NINJ2: variants seen among roughly 807,000 people sequenced by gnomAD.
The protein encoded by NINJ2 is ninjurin-2.
NINJ2 carries 12 observed loss-of-function variants against 11.7 expected under a neutral mutation model. That is an observed-to-expected ratio of 1.02 (90% CI 0.66 to 1.66). NINJ2 has a LOEUF of 1.66. Ranked by LOEUF, NINJ2 falls within the 40% of genes most tolerant of loss-of-function variation. The pLI is 0.00. For synonymous variants in NINJ2, 93 were observed against 76.8 expected, an observed-to-expected ratio of 1.21 and a Z score of -1.10; for missense variants, 187 against 181.8, an observed-to-expected ratio of 1.03 and a Z score of -0.16.
chr12:567,319 G>A (rs540091607), intron 1 of NINJ2, among the ~76,000 whole-genome samples: 29 of 129,886 alleles, frequency 2.2e-4, no homozygotes, highest in Admixed American at 2.4e-4. Context: ...TACCTGCTGC[G>A]TGGGGACAGA....
At chr12:631,712 CCT>C (rs1555166281) in intron 1 of NINJ2, among the ~76,000 whole-genome samples, 2 of 152,170 alleles carry the variant, frequency 1.3e-5, no homozygotes, top group Non-Finnish European at 2.9e-5. Context: ...AAAGATTGTC[CCT>C]GTGTTATGTG....
At chr12:607,581 A>G (rs1025915015) in intron 1 of NINJ2, among the ~76,000 whole-genome samples, 3 of 152,188 alleles carry the variant, frequency 2.0e-5, no homozygotes, top group African/African-American at 7.2e-5. Context: ...GAAAGCCATT[A>G]AGAAAACCCT....
intron 1 of NINJ2, among the ~76,000 whole-genome samples, chr12:575,576 C>T (rs921133712): frequency 6.6e-6 from 1 of 152,202 alleles, no homozygotes. Context: ...CCTGTGCTGG[C>T]CTTGGGCGTT....
At chr12:599,104 G>A (rs1233905009) in intron 1 of NINJ2, among the ~76,000 whole-genome samples, 2 of 152,018 alleles carry the variant, frequency 1.3e-5, no homozygotes, top group Non-Finnish European at 2.9e-5. Context: ...ATTCCAGGCC[G>A]GGTGAGGTGG....
At chr12:641,143 T>C (rs988438618) in intron 1 of NINJ2, 3 of 152,214 alleles carry the variant, frequency 2.0e-5, no homozygotes, top group African/African-American at 7.2e-5. Context: ...CATTGCCCTA[T>C]TAATGTCTCA....
At position 614,377 on chromosome 12, in the gene NINJ2, G is replaced by A. The variant is rs1332362155; in HGVS notation, c.34-48199C>T. The stretch of plus-strand genomic sequence containing the variant: ...TCTTGGGAGAACATAAGTCTGGGTC[G>A]TTGGGTGGTGGCAGAACAAAATGTT... On this transcript the variant is annotated intron_variant, in intron 1 of 3. Coordinates refer to ENST00000305108, the MANE Select transcript of NINJ2 (RefSeq NM_016533.6). This position sits in a 1 kb window ranked among gnomAD's most constrained non-coding sequence, Gnocchi z 5.1. Among the ~76,000 whole-genome samples the A allele has an allele frequency of 2.6e-5, 4 of 152,136 alleles. No homozygotes were observed. The highest frequency in any genetic ancestry group is 1.9e-4 in the East Asian group (1 of 5,198).
At chr12:595,360 A>G (rs1160206497) in intron 1 of NINJ2, among the ~76,000 whole-genome samples, 1 of 152,240 alleles carries the variant, frequency 6.6e-6, no homozygotes. Context: ...ACAACACTAA[A>G]TGCAAAATTC....
At chr12:662,140 T>C (rs1263620888) in intron 1 of NINJ2, among the ~76,000 whole-genome samples, 2 of 152,172 alleles carry the variant, frequency 1.3e-5, no homozygotes, top group African/African-American at 4.8e-5. Context: ...AGCTGAGACC[T>C]GAATGTACTA....
chr12:606,480 C>T (rs1947944047), intron 1 of NINJ2, among the ~76,000 whole-genome samples: 1 of 152,096 alleles, frequency 6.6e-6, no homozygotes, highest in Admixed American at 6.6e-5. Flanking sequence ...GAGCAGAAAA[C>T]ATCAATTTTG....
rs1239570696 is a variant in NINJ2 at position 565,266 on chromosome 12, A to C, written c.398T>G (p.Leu133Arg). ...AGGATTCCTTGAGGCCCTGGCAGCC[A>C]GGAACCCTGTTTTATGTGCCCCGAA... ...TAFGAHKTGF[L>R]AARASRNPL Residue 133 changes from leucine (L) to arginine (R), a missense_variant, in exon 3 of 4, where the codon CTG becomes CGG. Physicochemically the swap from Leu to Arg is moderately radical, Grantham distance 102 (BLOSUM62 -2). Transcript: ENST00000305108. 3 of 1,614,044 alleles carry C rather than the reference A, an allele frequency of 1.9e-6. No homozygotes were observed. The African/African-American group carries it at 4.0e-5, about 22-fold the overall frequency.
chr12:620,074 T>C (rs1045624005), intron 1 of NINJ2, among the ~76,000 whole-genome samples: 3 of 152,220 alleles, frequency 2.0e-5, no homozygotes, highest in Non-Finnish European at 4.4e-5. Flanking sequence ...TCTGACTGTT[T>C]CCCAGATCAG....
At chr12:600,798 C>CT (rs1371705096) in intron 1 of NINJ2, among the ~76,000 whole-genome samples, 4 of 151,844 alleles carry the variant, frequency 2.6e-5, no homozygotes, top group Non-Finnish European at 5.9e-5. Flanking sequence ...CCTCCCACCT[C>CT]GGCCTCCAAA....
intron 1 of NINJ2, among the ~76,000 whole-genome samples, chr12:601,723 G>A (rs547428303): frequency 4.3e-4 from 64 of 148,526 alleles, no homozygotes; most frequent in Non-Finnish European, 7.8e-4. Flanking sequence ...AAAATTATCT[G>A]GGTGTGGTGG....
intron 1 of NINJ2, among the ~76,000 whole-genome samples, chr12:615,203 A>G (rs1477129439): frequency 1.3e-5 from 2 of 152,232 alleles, no homozygotes; most frequent in African/African-American, 4.8e-5. Context: ...CTCAGCAATC[A>G]GGGTGCTAAA....
intron 1 of NINJ2, chr12:642,651 T>G (rs972653834): frequency 2.0e-5 from 3 of 152,100 alleles, no homozygotes; most frequent in Non-Finnish European, 2.9e-5. Context: ...CGGGCGGCGC[T>G]GCCCACGGAG....
intron 1 of NINJ2, among the ~76,000 whole-genome samples, chr12:639,897 G>A (rs1035503330): frequency 2.0e-5 from 3 of 152,240 alleles, no homozygotes; most frequent in African/African-American, 7.2e-5. Context: ...CAAAGTATAA[G>A]GTTCCTAGGA....
At chr12:612,656 TC>T (rs1165623518) in intron 1 of NINJ2, among the ~76,000 whole-genome samples, 1 of 152,138 alleles carries the variant, frequency 6.6e-6, no homozygotes, top group Non-Finnish European at 1.5e-5. Context: ...CTCCCTGATC[TC>T]CCTGTTGTGT....
intron 1 of NINJ2, among the ~76,000 whole-genome samples, chr12:599,341 G>A (rs1433452352): frequency 2.0e-5 from 3 of 152,106 alleles, no homozygotes; most frequent in East Asian, 1.9e-4. Flanking sequence ...CCGAGATTGC[G>A]CCGTCGCACT....
chr12:641,611 G>A (rs1431380713), intron 1 of NINJ2, among the ~76,000 whole-genome samples: 1 of 152,178 alleles, frequency 6.6e-6, no homozygotes, highest in Non-Finnish European at 1.5e-5. Flanking sequence ...CTGGGAGGCC[G>A]AGGCAGGCGG....
Sources: gnomAD v4.1 joint callset for allele counts (sites outside exome capture counted in the v4.1 genomes callset) on GRCh38, gnomAD v4.1.1 for gene constraint, Gnocchi (gnomAD v3.1) non-coding constraint, MANE v1.5 for transcripts, NCBI Gene and HGNC (gene_info 2026-07-23, HGNC 2026-07-21) for gene names.